The following LARS1 variants were observed in gnomAD, a reference collection of about 807,000 sequenced individuals.
LARS1 encodes leucyl-tRNA synthetase 1, also known as leucine--tRNA ligase, cytoplasmic.
Under a neutral mutation model 162.8 loss-of-function variants are expected in LARS1, and 100 were observed. The ratio of observed to expected loss-of-function variants is 0.61; its 90% confidence interval spans 0.52 to 0.73. The LOEUF (loss-of-function observed/expected upper bound fraction) is 0.73. Ranked by LOEUF, LARS1 falls within the 30% of genes least tolerant of loss-of-function variation. The pLI, the probability that LARS1 is intolerant of heterozygous loss-of-function variation, is 0.00. For missense variants in LARS1, 1,258 were observed against 1,408.9 expected (o/e 0.89, Z 1.71); for synonymous variants, 457 against 462.8 (o/e 0.99, Z 0.16).
chr5:146,174,587 C>CAT (rs58220245), intron 2 of LARS1, among the ~76,000 whole-genome samples: 55 of 24,762 alleles, frequency 2.2e-3, no homozygotes, highest in African/African-American at 3.7e-3. Context: ...TGTATATATC[C>CAT]ATATATATAT....
At chr5:146,144,216 T>C in intron 18 of LARS1, 51 bp downstream of exon 18, 1 of 1,349,036 alleles carries the variant, frequency 7.4e-7, no homozygotes, top group African/African-American at 1.5e-5. Context: ...ATGTATATTT[T>C]CTGTGTAACT....
At chr5:146,158,976 G>C (rs1753652637) in intron 8 of LARS1, among the ~76,000 whole-genome samples, 2 of 151,842 alleles carry the variant, frequency 1.3e-5, no homozygotes, top group African/African-American at 4.8e-5. Flanking sequence ...GGCACCTGTA[G>C]TCCCAGCTAC....
intron 6 of LARS1, among the ~76,000 whole-genome samples, chr5:146,161,915 G>A (rs372561835): frequency 3.3e-5 from 5 of 152,068 alleles, no homozygotes; most frequent in East Asian, 1.9e-4. Flanking sequence ...TTGCTCATCC[G>A]TAAGAAGCGA....
chr5:146,123,959 A>T, intron 29 of LARS1, 23 bp downstream of exon 29: 1 of 1,282,028 alleles, frequency 7.8e-7, no homozygotes, highest in Non-Finnish European at 1.1e-6. Context: ...TTAACTGGTT[A>T]TTACAATCCC....
chr5:146,175,466 C>T (rs373596256), intron 2 of LARS1, among the ~76,000 whole-genome samples: 22 of 149,664 alleles, frequency 1.5e-4, no homozygotes, highest in East Asian at 1.0e-3. Flanking sequence ...TCATTGAACC[C>T]GGGAGGCAGA....
intron 31 of LARS1, among the ~76,000 whole-genome samples, chr5:146,120,077 A>C (rs1751750046): frequency 1.3e-5 from 2 of 152,158 alleles, no homozygotes; most frequent in African/African-American, 4.8e-5. Flanking sequence ...GACAGAAATC[A>C]CTCATTACAA....
chr5:146,117,635 A>G (rs1307434186), intron 31 of LARS1, among the ~76,000 whole-genome samples: 1 of 152,154 alleles, frequency 6.6e-6, no homozygotes, highest in African/African-American at 2.4e-5. Flanking sequence ...ATATAATCCT[A>G]TCCAGTGGGT....
intron 15 of LARS1, among the ~76,000 whole-genome samples, chr5:146,146,386 G>A (rs1371626886): frequency 1.3e-5 from 2 of 149,816 alleles, no homozygotes; most frequent in African/African-American, 2.4e-5. Context: ...GAGATAAGGT[G>A]AGACTGAAAA....
At chr5:146,156,555 C>T (rs1013127664) in intron 10 of LARS1, among the ~76,000 whole-genome samples, 2 of 151,872 alleles carry the variant, frequency 1.3e-5, no homozygotes, top group Non-Finnish European at 2.9e-5. Context: ...ATTAGCTGGG[C>T]GTGGTGGCCC....
chr5:146,130,085 A>C lies in LARS1; in HGVS notation c.2561T>G (p.Val854Gly). The C allele has an allele frequency of 6.2e-7, 1 of 1,613,988 alleles. No individual in the cohort carries two copies. The highest frequency in any genetic ancestry group is 1.3e-5 in the African/African-American group (1 of 75,048). The change falls in exon 25 of 32, where the codon GTT (valine) becomes GGT (glycine). Residue 854 changes from valine (V) to glycine (G), a missense_variant. Val to Gly is a moderately radical substitution (Grantham distance 109, BLOSUM62 -3). Coordinates refer to ENST00000394434, the MANE Select transcript of LARS1 (RefSeq NM_020117.11). Reference sequence around the variant, plus strand: ...GAATGGAGCGAGGAGAAGTGTCTGAACTTCAATAAACCGGAACACAAGTTC... The same window carrying C: ...GAATGGAGCGAGGAGAAGTGTCTGACCTTCAATAAACCGGAACACAAGTTC... Reference protein sequence around the residue: ...HRELVFRFIEVQTLLLAPFCP... With the variant: ...HRELVFRFIEGQTLLLAPFCP...
At chr5:146,175,078 G>A (rs1754493756) in intron 2 of LARS1, among the ~76,000 whole-genome samples, 1 of 152,042 alleles carries the variant, frequency 6.6e-6, no homozygotes. Context: ...AATTACCTGG[G>A]TGTGGTGGCG....
At chr5:146,175,201 A>G (rs1279081900) in intron 2 of LARS1, among the ~76,000 whole-genome samples, 2 of 151,646 alleles carry the variant, frequency 1.3e-5, no homozygotes, top group Non-Finnish European at 2.9e-5. Flanking sequence ...CCTGGGTGAC[A>G]GAGGCTCGCT....
chr5:146,181,604 A>T (rs1754846446), intron 1 of LARS1, among the ~76,000 whole-genome samples: 1 of 152,038 alleles, frequency 6.6e-6, no homozygotes, highest in African/African-American at 2.4e-5. Flanking sequence ...GTGAGCCATG[A>T]TCACGCCACT....
chr5:146,143,257 CTATT>C (rs1184685336), intron 19 of LARS1, 151 bp downstream of exon 19: 3 of 960,940 alleles, frequency 3.1e-6, no homozygotes, highest in Non-Finnish European at 3.1e-6. Flanking sequence ...CAGTAAGGGG[CTATT>C]TATTAATTTT....
intron 23 of LARS1, chr5:146,131,760 G>C (rs116089408): frequency 0.027 from 4,177 of 151,998 alleles, 76 homozygotes; most frequent in Non-Finnish European, 0.038. Context: ...CAAAGTGCCT[G>C]GTTTACAGGC....
chr5:146,158,496 T>C (rs1307736606), intron 8 of LARS1, among the ~76,000 whole-genome samples: 3 of 152,256 alleles, frequency 2.0e-5, no homozygotes, highest in Non-Finnish European at 4.4e-5. Flanking sequence ...GGCATTGTCA[T>C]TGATTTTTAC....
intron 21 of LARS1, among the ~76,000 whole-genome samples, chr5:146,136,168 C>G (rs759792121): frequency 6.6e-6 from 1 of 152,202 alleles, no homozygotes; most frequent in Non-Finnish European, 1.5e-5. Flanking sequence ...GCCTAGCAAT[C>G]TTTATCGCTT....
At chr5:146,147,056 A>C (rs1342858728) in intron 15 of LARS1, among the ~76,000 whole-genome samples, 3 of 151,996 alleles carry the variant, frequency 2.0e-5, no homozygotes, top group Non-Finnish European at 2.9e-5. Flanking sequence ...TTCTGTAGGG[A>C]AATCTAACAA....
rs193200579 is a variant in LARS1 at position 146,167,615 on chromosome 5, C to T, written c.432+513G>A. 2.6e-3 allele frequency among the ~76,000 whole-genome samples: 391 copies of T among 151,894 alleles called. 6 individuals carry two copies. The highest frequency in any genetic ancestry group is 1.9e-3 in the East Asian group (10 of 5,134). On this transcript the variant is annotated intron_variant, in intron 5 of 31. Coordinates refer to ENST00000394434, the MANE Select transcript of LARS1 (RefSeq NM_020117.11). Reference sequence around the variant, plus strand: ...TTCACCATGTTTGCCAGGATGGTCTCGATCTCCTGACCTCGTGATCCGCCC... The same window carrying T: ...TTCACCATGTTTGCCAGGATGGTCTTGATCTCCTGACCTCGTGATCCGCCC...
Sources: allele counts gnomAD v4.1 joint callset (sites outside exome capture counted in the v4.1 genomes callset), GRCh38; gene constraint gnomAD v4.1.1; transcripts MANE v1.5; gene names NCBI Gene and HGNC (gene_info 2026-07-23, HGNC 2026-07-21).